Variants in TRHDE observed in about 807,000 individuals in gnomAD.
The protein encoded by TRHDE is thyrotropin releasing hormone degrading enzyme.
Under a neutral mutation model 125.7 loss-of-function variants are expected in TRHDE, and 72 were observed. The ratio of observed to expected loss-of-function variants is 0.57; its 90% confidence interval spans 0.47 to 0.70. TRHDE has a LOEUF of 0.70. Among genes scored for constraint, TRHDE ranks in the 30% least tolerant of loss-of-function variants. The pLI is 0.00. For synonymous variants in TRHDE, 509 were observed against 509.1 expected, an observed-to-expected ratio of 1.00 and a Z score of 0.00; for missense variants, 1,110 against 1,327.1, an observed-to-expected ratio of 0.84 and a Z score of 2.54.
At chr12:72,412,064 C>G (rs1873535841) in intron 3 of TRHDE, among the ~76,000 whole-genome samples, 1 of 152,030 alleles carries the variant, frequency 6.6e-6, no homozygotes, top group Non-Finnish European at 1.5e-5. Context: ...GTAGGAAAGT[C>G]TTTCTTATAC....
intron 2 of TRHDE, among the ~76,000 whole-genome samples, chr12:72,110,096 A>T (rs1875281942): frequency 1.3e-5 from 2 of 152,122 alleles, no homozygotes; most frequent in Non-Finnish European, 2.9e-5. Flanking sequence ...AATAAGAGAA[A>T]ATGGGACACT....
At chr12:72,131,665 G>C (rs1875869773) in intron 2 of TRHDE, among the ~76,000 whole-genome samples, 1 of 152,180 alleles carries the variant, frequency 6.6e-6, no homozygotes, top group African/African-American at 2.4e-5. Context: ...GCTGCTGTCT[G>C]GCGACAGCTC....
At chr12:72,280,106 A>G (rs999340257) in intron 1 of TRHDE, among the ~76,000 whole-genome samples, 1 of 152,128 alleles carries the variant, frequency 6.6e-6, no homozygotes, top group Non-Finnish European at 1.5e-5. Context: ...TCTTCCTCCT[A>G]TGCAGGGACT....
chr12:72,615,632 T>C (rs1198771309), intron 12 of TRHDE, among the ~76,000 whole-genome samples: 6 of 152,118 alleles, frequency 3.9e-5, no homozygotes, highest in Non-Finnish European at 2.9e-5. Flanking sequence ...AATTATGTGG[T>C]TGGTAATTAC....
At chr12:72,430,420 T>G (rs1874419827) in intron 3 of TRHDE, among the ~76,000 whole-genome samples, 1 of 147,452 alleles carries the variant, frequency 6.8e-6, no homozygotes, top group Admixed American at 6.9e-5. Context: ...TGTGCATATA[T>G]ATACATGTAT....
intron 2 of TRHDE, among the ~76,000 whole-genome samples, chr12:72,114,939 A>T (rs894420887): frequency 2.6e-5 from 4 of 152,178 alleles, no homozygotes; most frequent in East Asian, 1.9e-4. Context: ...TATTTTATTT[A>T]AAAAAATTTC....
intron 2 of TRHDE, among the ~76,000 whole-genome samples, chr12:72,362,295 G>C (rs965312624): frequency 6.6e-5 from 10 of 150,540 alleles, no homozygotes; most frequent in African/African-American, 2.4e-4. Flanking sequence ...GTTTTCATTC[G>C]CATTTCTCTG....
chr12:72,277,386 T>C (rs1021014262), intron 1 of TRHDE, among the ~76,000 whole-genome samples: 1 of 152,190 alleles, frequency 6.6e-6, no homozygotes, highest in Non-Finnish European at 1.5e-5. Flanking sequence ...AGAAATTCAC[T>C]ACATTATTTT....
At chr12:72,325,725 G>T (rs1179727267) in intron 2 of TRHDE, among the ~76,000 whole-genome samples, 1 of 152,032 alleles carries the variant, frequency 6.6e-6, no homozygotes, top group Non-Finnish European at 1.5e-5. Context: ...TCTATTGTAA[G>T]GATAAGTTTA....
At chr12:72,639,150 C>T (rs1367796896) in intron 15 of TRHDE, among the ~76,000 whole-genome samples, 28 of 149,756 alleles carry the variant, frequency 1.9e-4, no homozygotes, top group East Asian at 7.8e-4. Flanking sequence ...ACCAATCAGA[C>T]GTAGATTTGG....
In TRHDE at chr12:72,562,247, T is replaced by G. The variant is rs536486172; in HGVS notation, c.1854+17T>G. 7.0e-7 allele frequency: 1 copy of G among 1,437,314 alleles called. No individual in the cohort carries two copies. The highest frequency in any genetic ancestry group is 1.4e-5 in the African/African-American group (1 of 71,294). 89.0% of individuals were successfully genotyped at this position (1,437,314 alleles called of 1,614,324 possible). ...TTATCGGAGGTAAAGTATAGGAAGC[T>G]TAAATATCAAAACCTCTACTTGAAT... On this transcript the variant is annotated intron_variant, in intron 8 of 18. Transcript: ENST00000261180.
At chr12:72,316,443 G>T (rs1359324336) in intron 2 of TRHDE, among the ~76,000 whole-genome samples, 1 of 151,968 alleles carries the variant, frequency 6.6e-6, no homozygotes, top group Non-Finnish European at 1.5e-5. Context: ...ATGTCCCAGC[G>T]ACTTTTTACA....
chr12:72,394,671 C>T (rs1211406049), intron 3 of TRHDE, among the ~76,000 whole-genome samples: 1 of 152,090 alleles, frequency 6.6e-6, no homozygotes, highest in Non-Finnish European at 1.5e-5. Context: ...CACTTTTTCC[C>T]CTGTCACTCT....
intron 15 of TRHDE, among the ~76,000 whole-genome samples, chr12:72,628,732 A>G (rs1317031591): frequency 6.6e-6 from 1 of 151,936 alleles, no homozygotes; most frequent in Non-Finnish European, 1.5e-5. Flanking sequence ...CCTATTGTGA[A>G]TTCTTTTGTC....
chr12:72,111,547 G>C (rs115021879), intron 2 of TRHDE, among the ~76,000 whole-genome samples: 2,582 of 152,220 alleles, frequency 0.017, 59 homozygotes, highest in African/African-American at 0.058. Flanking sequence ...TAAGGTCTGA[G>C]GGAGAGAAAT....
chr12:72,498,225 A>T (rs747668028), intron 5 of TRHDE, among the ~76,000 whole-genome samples: 8 of 152,178 alleles, frequency 5.3e-5, no homozygotes, highest in Non-Finnish European at 8.8e-5. Flanking sequence ...TAAACATACT[A>T]AATCATTGAG....
chr12:72,235,119 C>G (rs73135480), intron 2 of TRHDE, among the ~76,000 whole-genome samples: 1 of 152,106 alleles, frequency 6.6e-6, no homozygotes. Context: ...TTATGTAACA[C>G]GAACTCTTGA....
At chr12:72,281,098 A>G (rs1466935353) in intron 1 of TRHDE, among the ~76,000 whole-genome samples, 1 of 152,190 alleles carries the variant, frequency 6.6e-6, no homozygotes, top group Non-Finnish European at 1.5e-5. Flanking sequence ...CTCTGTTTTT[A>G]TAACACGATT....
chr12:72,618,101 G>T (rs761623552), intron 12 of TRHDE, among the ~76,000 whole-genome samples: 1 of 152,058 alleles, frequency 6.6e-6, no homozygotes. Flanking sequence ...GATTTTGCAA[G>T]AATATTATAT....
Sources: allele counts gnomAD v4.1 joint callset (sites outside exome capture counted in the v4.1 genomes callset), GRCh38; gene constraint gnomAD v4.1.1; transcripts MANE v1.5; gene names NCBI Gene and HGNC (gene_info 2026-07-23, HGNC 2026-07-21).